Variants in CSTPP1 observed in about 807,000 individuals in gnomAD.
CSTPP1 encodes UPF0705 protein C11orf49.
At chr11:47,115,747 C>CT in the CSTPP1 span, among the ~76,000 whole-genome samples, 275 of 144,668 alleles carry the variant, frequency 1.9e-3, 2 homozygotes, top group African/African-American at 5.0e-3. Flanking sequence ...TTTTGTTGAT[C>CT]TTTAAAAAAA....
chr11:47,121,593 A>T, the CSTPP1 span, among the ~76,000 whole-genome samples: 15 of 152,164 alleles, frequency 9.9e-5, no homozygotes, highest in African/African-American at 3.4e-4. Flanking sequence ...ATAGCAATTG[A>T]TTATTATCTC....
the CSTPP1 span, among the ~76,000 whole-genome samples, chr11:47,145,030 C>G: frequency 2.3e-5 from 3 of 129,320 alleles, no homozygotes; most frequent in African/African-American, 8.4e-5. Flanking sequence ...GCTCTGTCAC[C>G]AGGCTGGAGT....
At chr11:47,160,463 G>A in the CSTPP1 span, 1 of 152,386 alleles carries the variant, frequency 6.6e-6, no homozygotes, top group Admixed American at 6.5e-5. Flanking sequence ...TGGTTGACGC[G>A]TCACGGAGGT....
chr11:47,090,782 G>A, the CSTPP1 span, among the ~76,000 whole-genome samples: 2 of 152,224 alleles, frequency 1.3e-5, no homozygotes, highest in Non-Finnish European at 2.9e-5. Context: ...GCTCACGCCT[G>A]TAATCCCAGC....
the CSTPP1 span, among the ~76,000 whole-genome samples, chr11:47,035,164 A>G: frequency 5.3e-4 from 80 of 152,214 alleles, no homozygotes; most frequent in African/African-American, 1.6e-3. Flanking sequence ...TCCTTTGTTT[A>G]TAATTGTCCT....
chr11:47,030,485 A>G, the CSTPP1 span, among the ~76,000 whole-genome samples: 2 of 152,310 alleles, frequency 1.3e-5, no homozygotes, highest in South Asian at 4.1e-4. Flanking sequence ...TTATATATAG[A>G]TCCAGTATGG....
the CSTPP1 span, among the ~76,000 whole-genome samples, chr11:47,136,587 A>G: frequency 6.6e-6 from 1 of 152,116 alleles, no homozygotes; most frequent in Non-Finnish European, 1.5e-5. Context: ...CATCAACCAA[A>G]CTAACGGGGG....
the CSTPP1 span, among the ~76,000 whole-genome samples, chr11:47,129,624 T>A: frequency 6.6e-6 from 1 of 152,056 alleles, no homozygotes; most frequent in Non-Finnish European, 1.5e-5. Context: ...TTCGACACAG[T>A]ATAGGGGATT....
the CSTPP1 span, among the ~76,000 whole-genome samples, chr11:47,149,097 G>T: frequency 6.6e-6 from 1 of 152,200 alleles, no homozygotes; most frequent in Non-Finnish European, 1.5e-5. Flanking sequence ...TCTCAGACCA[G>T]CCACGTGCTC....
chr11:47,056,383 A>G, the CSTPP1 span, among the ~76,000 whole-genome samples: 1 of 152,220 alleles, frequency 6.6e-6, no homozygotes, highest in Non-Finnish European at 1.5e-5. Flanking sequence ...TTTTCCTGAT[A>G]TAGAAGTGGG....
chr11:47,144,092 G>A, the CSTPP1 span, among the ~76,000 whole-genome samples: 41 of 152,120 alleles, frequency 2.7e-4, no homozygotes, highest in Non-Finnish European at 5.1e-4. Context: ...AAATGGGGAT[G>A]ATAATAATAA....
chr11:46,943,913 C>T, the CSTPP1 span, among the ~76,000 whole-genome samples: 2 of 152,054 alleles, frequency 1.3e-5, no homozygotes, highest in Non-Finnish European at 2.9e-5. Context: ...CCCAGTTACT[C>T]AGGAGGCGGA....
At chr11:47,150,163 G>A in the CSTPP1 span, among the ~76,000 whole-genome samples, 8,109 of 152,064 alleles carry the variant, frequency 0.053, 305 homozygotes, top group Non-Finnish European at 0.083. Context: ...CCCCTTAAAC[G>A]GACTGTCCAG....
the CSTPP1 span, among the ~76,000 whole-genome samples, chr11:46,996,542 T>C: frequency 6.6e-6 from 1 of 152,160 alleles, no homozygotes; most frequent in Non-Finnish European, 1.5e-5. Context: ...GACCTCGTGA[T>C]CCGCCCGTCT....
the CSTPP1 span, chr11:47,155,572 T>C: frequency 2.3e-6 from 1 of 425,614 alleles, no homozygotes; most frequent in Non-Finnish European, 4.3e-6. Flanking sequence ...ATTCACTGCT[T>C]ACTGAAAACT....
the CSTPP1 span, among the ~76,000 whole-genome samples, chr11:47,136,613 C>A: frequency 5.4e-4 from 82 of 152,250 alleles, no homozygotes; most frequent in Non-Finnish European, 1.0e-3. Flanking sequence ...GATCTGGATT[C>A]CTGTGGCTTG....
chr11:47,116,563 CA>C, the CSTPP1 span, among the ~76,000 whole-genome samples: 2 of 151,650 alleles, frequency 1.3e-5, no homozygotes, highest in Non-Finnish European at 2.9e-5. Context: ...ATCCCTTTAC[CA>C]TTATGTAATG....
the CSTPP1 span, among the ~76,000 whole-genome samples, chr11:47,151,288 G>A: frequency 6.6e-6 from 1 of 152,112 alleles, no homozygotes; most frequent in African/African-American, 2.4e-5. Flanking sequence ...GCGCACGCCT[G>A]TAGTCCCAGT....
chr11:47,038,323 G>C, the CSTPP1 span, among the ~76,000 whole-genome samples: 1 of 92,900 alleles, frequency 1.1e-5, no homozygotes, highest in African/African-American at 3.2e-5. Flanking sequence ...CTGGCCGGGC[G>C]GGGGGCTGAC....
Sources: gnomAD v4.1 joint callset for allele counts (sites outside exome capture counted in the v4.1 genomes callset) on GRCh38, gnomAD v4.1.1 for gene constraint, MANE v1.5 for transcripts, NCBI Gene and HGNC (gene_info 2026-07-23, HGNC 2026-07-21) for gene names.